PPP1R12B: variants seen among roughly 807,000 people sequenced by gnomAD.
PPP1R12B encodes the protein myosin phosphatase target subunit 2.
Under a neutral mutation model 126.1 loss-of-function variants are expected in PPP1R12B, and 76 were observed. The observed-to-expected ratio is 0.60, with a 90% confidence interval of 0.50 to 0.73. The LOEUF is 0.73. Ranked by LOEUF, PPP1R12B falls within the 30% of genes least tolerant of loss-of-function variation. PPP1R12B has a pLI of 0.00. For missense variants in PPP1R12B, 1,052 were observed against 1,205.1 expected (o/e 0.87, Z 1.88); for synonymous variants, 356 against 434.7 (o/e 0.82, Z 2.25).
chr1:202,496,999 G>A (rs1052024266), intron 18 of PPP1R12B, among the ~76,000 whole-genome samples, 177 bp downstream of exon 18: 2 of 152,164 alleles, frequency 1.3e-5, no homozygotes, highest in Admixed American at 1.3e-4. Context: ...TTCTCATGTG[G>A]TGTAACAGTG....
intron 1 of PPP1R12B, among the ~76,000 whole-genome samples, chr1:202,371,102 A>G (rs1271059074): frequency 2.7e-5 from 4 of 149,554 alleles, no homozygotes; most frequent in Non-Finnish European, 5.9e-5. Flanking sequence ...TGCAGCCTCA[A>G]TCTTCCAGGC....
chr1:202,473,570 A>G (rs1474947417), intron 13 of PPP1R12B, among the ~76,000 whole-genome samples: 3 of 152,242 alleles, frequency 2.0e-5, no homozygotes, highest in African/African-American at 4.8e-5. Context: ...CTTCTTTCAC[A>G]TGAGGAAGAA....
chr1:202,386,027 G>A (rs1279320942), intron 1 of PPP1R12B, among the ~76,000 whole-genome samples: 12 of 151,128 alleles, frequency 7.9e-5, no homozygotes, highest in African/African-American at 1.9e-4. Context: ...TCCACCTCCC[G>A]GGTTCACACC....
At position 202,493,278 on chromosome 1, in the gene PPP1R12B, G is replaced by A. The variant is rs1679128322; in HGVS notation, c.2106G>A (p.Gly702=). ...CAGCAGTTCCAGCAACAGAAGCTGG[G>A]GAGGGCCAGCAGCCCTGGGGCAGGA... ...EPSAVPATEA[G]EGQQPWGRSL... The change falls in exon 15 of 24, where the codon GGG becomes GGA. Residue 702 remains glycine (G), a synonymous_variant. Transcript: ENST00000608999. The A allele has an allele frequency of 6.2e-7, 1 of 1,612,706 alleles. No individual in the cohort carries two copies.
chr1:202,568,772 C>T (rs1688311064), intron 22 of PPP1R12B, among the ~76,000 whole-genome samples: 1 of 152,190 alleles, frequency 6.6e-6, no homozygotes, highest in Non-Finnish European at 1.5e-5. Context: ...GAGAGCATTA[C>T]TGAAGATAAT....
At chr1:202,379,007 CCTTACCCACTCCCATGGCCT>C (rs1239286387) in intron 1 of PPP1R12B, among the ~76,000 whole-genome samples, 4 of 152,142 alleles carry the variant, frequency 2.6e-5, no homozygotes, top group Admixed American at 2.6e-4. Context: ...GTCTTTGTAA[CCTTACCCACTCCCATGGCCT>C]CATCCCTCAT....
At chr1:202,568,794 G>A (rs1336280042) in intron 22 of PPP1R12B, among the ~76,000 whole-genome samples, 2 of 152,136 alleles carry the variant, frequency 1.3e-5, no homozygotes, top group Non-Finnish European at 2.9e-5. Flanking sequence ...ATGCCTTTTT[G>A]ATAATAGAGA....
chr1:202,522,335 T>A (rs993326665), intron 18 of PPP1R12B, among the ~76,000 whole-genome samples: 2 of 152,268 alleles, frequency 1.3e-5, no homozygotes, highest in South Asian at 2.1e-4. Flanking sequence ...GATGTAAATG[T>A]GTGCTAAAGT....
intron 13 of PPP1R12B, among the ~76,000 whole-genome samples, chr1:202,463,639 T>G (rs1456291876): frequency 6.6e-6 from 1 of 152,222 alleles, no homozygotes; most frequent in Non-Finnish European, 1.5e-5. Context: ...AAAAGTTATT[T>G]ACTTACTACA....
At chr1:202,350,186 A>T (rs1644675236) in intron 1 of PPP1R12B, among the ~76,000 whole-genome samples, 1 of 152,162 alleles carries the variant, frequency 6.6e-6, no homozygotes, top group Non-Finnish European at 1.5e-5. Context: ...ACTTCTCACT[A>T]TGTTTGCAAC....
intron 13 of PPP1R12B, among the ~76,000 whole-genome samples, chr1:202,475,971 G>A (rs1437050723): frequency 3.3e-5 from 5 of 152,062 alleles, no homozygotes; most frequent in Admixed American, 6.6e-5. Flanking sequence ...AGGCTGAGCC[G>A]GGCAGATCAC....
chr1:202,485,203 A>G (rs1677930783), intron 13 of PPP1R12B, among the ~76,000 whole-genome samples: 1 of 152,128 alleles, frequency 6.6e-6, no homozygotes, highest in South Asian at 2.1e-4. Flanking sequence ...ACATGGGTTC[A>G]AGAGCAGAGG....
intron 1 of PPP1R12B, among the ~76,000 whole-genome samples, chr1:202,365,220 C>T (rs539439209): frequency 1.2e-3 from 181 of 151,972 alleles, no homozygotes; most frequent in Non-Finnish European, 2.0e-3. Flanking sequence ...GATGCCAAGG[C>T]GAGAGGATCA....
At chr1:202,478,403 C>G (rs1572203939) in intron 13 of PPP1R12B, among the ~76,000 whole-genome samples, 1 of 152,272 alleles carries the variant, frequency 6.6e-6, no homozygotes, top group East Asian at 1.9e-4. Context: ...AAGTTAGGCA[C>G]ATTACTTCTG....
chr1:202,438,719 G>A (rs576133656), intron 10 of PPP1R12B: 137 of 657,158 alleles, frequency 2.1e-4, no homozygotes, highest in African/African-American at 1.8e-3. Flanking sequence ...GGTGGTTACC[G>A]TGCATTTTGC....
At chr1:202,509,553 T>C (rs1681197322) in intron 18 of PPP1R12B, among the ~76,000 whole-genome samples, 1 of 152,226 alleles carries the variant, frequency 6.6e-6, no homozygotes, top group East Asian at 1.9e-4. Context: ...CACTTAATAC[T>C]TGAAATTTAG....
At chr1:202,438,383 TC>T (rs889613603) in intron 10 of PPP1R12B, 3 of 697,538 alleles carry the variant, frequency 4.3e-6, no homozygotes, top group Non-Finnish European at 4.6e-6. Context: ...CCAATTCCCG[TC>T]CCCCCAGCGG....
intron 8 of PPP1R12B, among the ~76,000 whole-genome samples, chr1:202,432,457 A>G (rs531930617): frequency 6.1e-4 from 93 of 152,150 alleles, no homozygotes; most frequent in African/African-American, 2.0e-3. Context: ...TAGTAGAGAC[A>G]GGGTTTCACT....
rs151149267 is a variant in PPP1R12B at position 202,535,449 on chromosome 1, G to A, written c.2491-23428G>A. Among the ~76,000 whole-genome samples the A allele has an allele frequency of 2.5e-3, 374 of 152,140 alleles. 2 individuals are homozygous for A. Among genetic ancestry groups the A allele is most frequent in the Non-Finnish European group, 4.7e-3 (320 of 67,982 alleles). On this transcript the variant is annotated intron_variant, in intron 18 of 23. Transcript: ENST00000608999. Reference sequence around the variant, plus strand: ...TGGGAGAGTTGAGTCAATGAGAGTCGATGATTAGTATTCACATCATGAGAC... The same window carrying A: ...TGGGAGAGTTGAGTCAATGAGAGTCAATGATTAGTATTCACATCATGAGAC...
Sources: gnomAD v4.1 joint callset for allele counts (sites outside exome capture counted in the v4.1 genomes callset) on GRCh38, gnomAD v4.1.1 for gene constraint, MANE v1.5 for transcripts, NCBI Gene and HGNC (gene_info 2026-07-23, HGNC 2026-07-21) for gene names.